TAFA1: variants seen among roughly 807,000 people sequenced by gnomAD.
TAFA1 encodes the protein chemokine-like protein TAFA-1.
A neutral mutation model predicts 18.5 loss-of-function variants in TAFA1; 4 were observed. The ratio of observed to expected loss-of-function variants is 0.22; its 90% confidence interval spans 0.11 to 0.49. TAFA1 has a LOEUF of 0.49. TAFA1 is among the 20% of genes least tolerant of loss of function. The probability of loss-of-function intolerance (pLI) is 0.98; values close to 1 mark genes in which losing one functional copy is unlikely to be tolerated. For synonymous variants in TAFA1, 56 were observed against 55.2 expected (o/e 1.01, Z -0.06); for missense variants, 147 against 169.0 (o/e 0.87, Z 0.72).
intron 2 of TAFA1, among the ~76,000 whole-genome samples, chr3:68,374,410 C>T (rs373206269): frequency 5.3e-5 from 8 of 152,234 alleles, no homozygotes; most frequent in East Asian, 1.9e-4. Flanking sequence ...GCAAGTTAAC[C>T]ACTCTCAATT....
chr3:68,419,945 C>T (rs1335241548), intron 3 of TAFA1, among the ~76,000 whole-genome samples: 1 of 152,154 alleles, frequency 6.6e-6, no homozygotes, highest in Admixed American at 6.5e-5. Context: ...TCTCTGATCT[C>T]GTTTACCTAG....
At chr3:68,437,360 C>A (rs1489053592) in intron 3 of TAFA1, among the ~76,000 whole-genome samples, 2 of 152,158 alleles carry the variant, frequency 1.3e-5, no homozygotes, top group Non-Finnish European at 2.9e-5. Flanking sequence ...AGTCCATTTT[C>A]TTATGGACTT....
chr3:68,416,760 G>A (rs1385725518), intron 2 of TAFA1, among the ~76,000 whole-genome samples: 5 of 152,100 alleles, frequency 3.3e-5, no homozygotes, highest in East Asian at 1.9e-4. Context: ...TTTCATTTGC[G>A]GATGAAGTCT....
At chr3:68,203,959 AC>A (rs2066497052) in intron 2 of TAFA1, among the ~76,000 whole-genome samples, 2 of 65,768 alleles carry the variant, frequency 3.0e-5, no homozygotes, top group East Asian at 9.3e-4. Flanking sequence ...GGCCCCCCCC[AC>A]CCCCCATGAC....
chr3:68,281,575 T>G (rs1439710350), intron 2 of TAFA1, among the ~76,000 whole-genome samples: 4 of 151,494 alleles, frequency 2.6e-5, no homozygotes, highest in African/African-American at 9.7e-5. Flanking sequence ...GTTCAAGTGA[T>G]TCTCCTGCTT....
chr3:68,231,344 ATTT>A (rs1175174572), intron 2 of TAFA1, among the ~76,000 whole-genome samples: 1 of 79,852 alleles, frequency 1.3e-5, no homozygotes. Flanking sequence ...AATCTATTTG[ATTT>A]TTTTTTTTTT....
At chr3:68,246,773 C>T (rs1013590193) in intron 2 of TAFA1, 1 of 152,080 alleles carries the variant, frequency 6.6e-6, no homozygotes, top group African/African-American at 2.4e-5. Flanking sequence ...ACAGGTGTTT[C>T]TGCTCGGACT....
At chr3:68,291,868 G>A (rs781113503) in intron 2 of TAFA1, among the ~76,000 whole-genome samples, 16 of 152,228 alleles carry the variant, frequency 1.1e-4, no homozygotes, top group African/African-American at 3.6e-4. Context: ...GAAATGAAAT[G>A]CTTTGTCCTG....
At chr3:68,075,242 C>T (rs2106758048) in intron 2 of TAFA1, among the ~76,000 whole-genome samples, 1 of 152,266 alleles carries the variant, frequency 6.6e-6, no homozygotes, top group South Asian at 2.1e-4. Flanking sequence ...AAATAAGCTG[C>T]CTTTTGCCTT....
At chr3:68,121,538 T>C (rs545060778) in intron 2 of TAFA1, among the ~76,000 whole-genome samples, 2 of 152,288 alleles carry the variant, frequency 1.3e-5, no homozygotes, top group Admixed American at 6.5e-5. Context: ...CAGGCTGTAG[T>C]TGAATAAGAA....
At chr3:68,152,576 A>G (rs1450750537) in intron 2 of TAFA1, among the ~76,000 whole-genome samples, 3 of 152,038 alleles carry the variant, frequency 2.0e-5, no homozygotes, top group Non-Finnish European at 4.4e-5. Flanking sequence ...GAGAAACCCA[A>G]ATCAAAGTAG....
chr3:68,199,691 A>G (rs939636365), intron 2 of TAFA1, among the ~76,000 whole-genome samples: 1 of 151,518 alleles, frequency 6.6e-6, no homozygotes, highest in East Asian at 1.9e-4. Context: ...ACTTTTGCAT[A>G]TTAAACTTGT....
At chr3:68,080,188 A>G (rs2064878804) in intron 2 of TAFA1, among the ~76,000 whole-genome samples, 1 of 151,762 alleles carries the variant, frequency 6.6e-6, no homozygotes, top group South Asian at 2.1e-4. Context: ...CCATCCTTTT[A>G]TTTTGAGCCT....
intron 2 of TAFA1, among the ~76,000 whole-genome samples, chr3:68,223,000 A>T (rs2107097268): frequency 6.6e-6 from 1 of 152,224 alleles, no homozygotes; most frequent in African/African-American, 2.4e-5. Context: ...TTAAAATATC[A>T]CTTTCTATTG....
intron 2 of TAFA1, among the ~76,000 whole-genome samples, chr3:68,152,461 A>G (rs2065817317): frequency 6.6e-6 from 1 of 152,202 alleles, no homozygotes; most frequent in Non-Finnish European, 1.5e-5. Flanking sequence ...TGAGCAAGAC[A>G]ATTTTGACAG....
chr3:68,267,084 C>T (rs2067562471), intron 2 of TAFA1, among the ~76,000 whole-genome samples: 1 of 152,152 alleles, frequency 6.6e-6, no homozygotes, highest in South Asian at 2.1e-4. Flanking sequence ...CAAGAGAAAG[C>T]TGAGTTTCTC....
At chr3:68,411,532 T>C (rs1303994457) in intron 2 of TAFA1, among the ~76,000 whole-genome samples, 1 of 152,236 alleles carries the variant, frequency 6.6e-6, no homozygotes, top group African/African-American at 2.4e-5. Context: ...AGCCTTTAGT[T>C]AATAATGTGT....
intron 3 of TAFA1, among the ~76,000 whole-genome samples, chr3:68,527,997 T>C (rs1044746792): frequency 2.6e-5 from 4 of 152,166 alleles, no homozygotes; most frequent in African/African-American, 9.7e-5. Flanking sequence ...TAACTTCATG[T>C]ATGTCTTTGA....
At chr3:68,156,201 A>G (rs1575650066) in intron 2 of TAFA1, among the ~76,000 whole-genome samples, 3 of 152,180 alleles carry the variant, frequency 2.0e-5, no homozygotes, top group South Asian at 2.1e-4. Context: ...CAGCATCCCA[A>G]ATAAGGTCTG....
Sources: allele counts gnomAD v4.1 joint callset (sites outside exome capture counted in the v4.1 genomes callset), GRCh38; gene constraint gnomAD v4.1.1; transcripts MANE v1.5; gene names NCBI Gene and HGNC (gene_info 2026-07-23, HGNC 2026-07-21).